The following SOS1 variants were observed in gnomAD, a reference collection of about 807,000 sequenced individuals.
SOS1 encodes SOS Ras/Rac guanine nucleotide exchange factor 1, also known as son of sevenless homolog 1.
A neutral mutation model predicts 157.6 loss-of-function variants in SOS1; 25 were observed. The ratio of observed to expected loss-of-function variants is 0.16; its 90% CI spans 0.12 to 0.22. The LOEUF (loss-of-function observed/expected upper bound fraction) is 0.22, where lower values mean the gene tolerates loss of function less well. Among genes scored for constraint, SOS1 ranks in the 10% least tolerant of loss-of-function variants. The probability of loss-of-function intolerance (pLI) is 1.00; values close to 1 mark genes in which losing one functional copy is unlikely to be tolerated. For synonymous variants in SOS1, 528 were observed against 534.0 expected (o/e 0.99, Z 0.16); for missense variants, 1,237 against 1,599.1 (o/e 0.77, Z 3.86).
intron 8 of SOS1, among the ~76,000 whole-genome samples, chr2:39,029,425 A>G (rs1192466435): frequency 6.6e-6 from 1 of 152,144 alleles, no homozygotes; most frequent in Non-Finnish European, 1.5e-5. Flanking sequence ...CAGGAGTTCA[A>G]GACTAGCCTG....
intron 1 of SOS1, among the ~76,000 whole-genome samples, chr2:39,074,909 C>T (rs528621099): frequency 6.9e-6 from 1 of 145,890 alleles, no homozygotes; most frequent in Non-Finnish European, 1.5e-5. Context: ...AGACTAAGAA[C>T]AAAATGATGT....
rs535202429 is a variant in SOS1 at position 39,079,444 on chromosome 2, T to C, written c.88-11691A>G. On this transcript the variant is annotated intron_variant, in intron 1 of 22. Coordinates refer to ENST00000402219, the MANE Select transcript of SOS1 (RefSeq NM_005633.4). ...TACCTCCAGGGGAAGGGAAAGAAGA[T>C]GTAATCAGTAAGGAAACCAAAGAAG... is the stretch of plus-strand genomic sequence containing the variant. Among the ~76,000 whole-genome samples the C allele has an allele frequency of 4.0e-5, 6 of 151,638 alleles. 1 individual carries two copies. In the South Asian group the frequency reaches 1.3e-3, roughly 32 times the overall value.
At chr2:39,046,527 C>T (rs1451579391) in intron 6 of SOS1, among the ~76,000 whole-genome samples, 5 of 123,144 alleles carry the variant, frequency 4.1e-5, no homozygotes, top group South Asian at 2.5e-4. Flanking sequence ...TTTTTTGAGA[C>T]GGAGTCTCGC....
Position 39,022,815 on chromosome 2 carries a change from A to G in SOS1, c.1613T>C (p.Met538Thr), listed in dbSNP as rs1304003551. ...AKSAEEKNNW[M>T]AALISLQYRS... Reference sequence around the variant, plus strand: ...GTACTGTAAAGATATCAATGCTGCCATCCAATTGTTTTTCTCTTCAGCTGA... The same window carrying G: ...GTACTGTAAAGATATCAATGCTGCCGTCCAATTGTTTTTCTCTTCAGCTGA... The change falls in exon 10 of 23, where the codon ATG (methionine) becomes ACG (threonine). Residue 538 changes from methionine to threonine, a missense_variant. By Grantham distance (81) the Met-to-Thr change is moderately conservative. Coordinates refer to ENST00000402219, the MANE Select transcript of SOS1 (RefSeq NM_005633.4). 2 of 1,613,600 alleles carry G rather than the reference A, an allele frequency of 1.2e-6. No individual in the cohort carries two copies. Among genetic ancestry groups the G allele is most frequent in the Non-Finnish European group, 1.7e-6 (2 of 1,179,722 alleles).
chr2:39,043,886 C>T (rs928765793), intron 6 of SOS1, among the ~76,000 whole-genome samples: 1 of 152,302 alleles, frequency 6.6e-6, no homozygotes, highest in South Asian at 2.1e-4. Context: ...CACATTGAAA[C>T]CACAGCATTC....
At chr2:39,064,356 T>C (rs971399480) in intron 2 of SOS1, among the ~76,000 whole-genome samples, 5 of 152,342 alleles carry the variant, frequency 3.3e-5, no homozygotes, top group Admixed American at 6.5e-5. Context: ...CAGTGGGGTT[T>C]AGGTTTCAAC....
intron 21 of SOS1, among the ~76,000 whole-genome samples, chr2:38,988,311 C>A (rs1668612808): frequency 6.6e-6 from 1 of 151,574 alleles, no homozygotes; most frequent in East Asian, 1.9e-4. Flanking sequence ...TGGACTGGCA[C>A]AAAAAAAGTA....
chr2:39,014,909 T>C (rs56306309), intron 10 of SOS1, 63 bp from the exon 11 acceptor site: 16 of 936,722 alleles, frequency 1.7e-5, no homozygotes, highest in African/African-American at 6.5e-5. Context: ...AAAACTGTTA[T>C]GTACATTTTC....
intron 6 of SOS1, among the ~76,000 whole-genome samples, chr2:39,045,826 A>C (rs1238664198): frequency 3.9e-5 from 6 of 152,092 alleles, no homozygotes; most frequent in African/African-American, 1.4e-4. Context: ...CTCCTGCCTT[A>C]GACTCCTGTG....
intron 6 of SOS1, among the ~76,000 whole-genome samples, chr2:39,039,071 C>G (rs546510500): frequency 2.5e-4 from 38 of 152,272 alleles, no homozygotes; most frequent in African/African-American, 9.1e-4. Flanking sequence ...AAGATTATGA[C>G]TCACTGAAGG....
chr2:39,093,591 T>C (rs748671442), intron 1 of SOS1, among the ~76,000 whole-genome samples: 28 of 152,262 alleles, frequency 1.8e-4, no homozygotes, highest in Non-Finnish European at 3.7e-4. Flanking sequence ...TGTTAAGAAA[T>C]GAGAGGGAAT....
chr2:39,025,436 G>T (rs1263846761), intron 8 of SOS1, among the ~76,000 whole-genome samples: 1 of 151,338 alleles, frequency 6.6e-6, no homozygotes, highest in East Asian at 1.9e-4. Context: ...TGCAACCTCT[G>T]CCTCCCAGCT....
intron 1 of SOS1, among the ~76,000 whole-genome samples, chr2:39,079,465 A>G (rs1252966328): frequency 6.6e-6 from 1 of 151,878 alleles, no homozygotes; most frequent in African/African-American, 2.4e-5. Context: ...AGGAAACCAA[A>G]GAAGCCTTTA....
chr2:39,108,858 AC>A (rs1673308817), intron 1 of SOS1, among the ~76,000 whole-genome samples: 1 of 151,774 alleles, frequency 6.6e-6, no homozygotes, highest in South Asian at 2.1e-4. Context: ...ATGCCACTGC[AC>A]CCCAGCCTCG....
At chr2:39,001,355 G>A (rs964761627) in intron 17 of SOS1, among the ~76,000 whole-genome samples, 11 of 152,096 alleles carry the variant, frequency 7.2e-5, no homozygotes, top group South Asian at 2.1e-4. Context: ...GAGCCACTGC[G>A]CCCAGCTGAA....
intron 6 of SOS1, among the ~76,000 whole-genome samples, chr2:39,045,620 A>T (rs1264593415): frequency 2.6e-5 from 4 of 152,102 alleles, no homozygotes; most frequent in Non-Finnish European, 5.9e-5. Flanking sequence ...TTTTTATGTT[A>T]TGATATTTCA....
chr2:39,076,195 T>A (rs907292848), intron 1 of SOS1, among the ~76,000 whole-genome samples: 10 of 152,044 alleles, frequency 6.6e-5, no homozygotes, highest in Non-Finnish European at 1.5e-4. Context: ...GCTCAAGAGT[T>A]TTGAGACCAG....
chr2:39,079,813 C>T (rs1370816204), intron 1 of SOS1, among the ~76,000 whole-genome samples: 2 of 151,952 alleles, frequency 1.3e-5, no homozygotes, highest in Non-Finnish European at 2.9e-5. Flanking sequence ...CATTTTTTAA[C>T]CTGTATGTTA....
At chr2:39,085,285 C>A (rs1321274224) in intron 1 of SOS1, among the ~76,000 whole-genome samples, 1 of 152,156 alleles carries the variant, frequency 6.6e-6, no homozygotes, top group East Asian at 1.9e-4. Flanking sequence ...TGGGCTCAAG[C>A]GATCCTCCTG....
Sources: gnomAD v4.1 joint callset for allele counts (sites outside exome capture counted in the v4.1 genomes callset) on GRCh38, gnomAD v4.1.1 for gene constraint, MANE v1.5 for transcripts, NCBI Gene and HGNC (gene_info 2026-07-23, HGNC 2026-07-21) for gene names.